SYNPR: variants seen among roughly 807,000 people sequenced by gnomAD.
The protein encoded by SYNPR is synaptoporin.
SYNPR carries 23 observed loss-of-function variants against 32.9 expected under a neutral mutation model. That is an observed-to-expected ratio of 0.70 (90% confidence interval 0.50 to 0.99). SYNPR has a LOEUF of 0.99. Among genes scored for constraint, SYNPR ranks in the 50% least tolerant of loss-of-function variants. The pLI is 0.00. For missense variants in SYNPR, 318 were observed against 349.3 expected (o/e 0.91, Z 0.71); for synonymous variants, 146 against 135.9 (o/e 1.07, Z -0.52).
At chr3:63,308,486 T>G (rs1249274676) in intron 2 of SYNPR, among the ~76,000 whole-genome samples, 1 of 151,966 alleles carries the variant, frequency 6.6e-6, no homozygotes, top group East Asian at 1.9e-4. Context: ...ATAACATCTT[T>G]TGTAGTGTAT....
At chr3:63,542,179 T>A (rs1702316807) in intron 3 of SYNPR, among the ~76,000 whole-genome samples, 2 of 152,128 alleles carry the variant, frequency 1.3e-5, no homozygotes, top group Admixed American at 6.6e-5. Context: ...TTTATCCCCA[T>A]GTTTTCTTCT....
chr3:63,285,000 C>T (rs910168696), intron 2 of SYNPR, among the ~76,000 whole-genome samples: 3 of 152,206 alleles, frequency 2.0e-5, no homozygotes, highest in Non-Finnish European at 2.9e-5. Flanking sequence ...TGAGCAGCCT[C>T]ACTCCCAACT....
intron 2 of SYNPR, among the ~76,000 whole-genome samples, chr3:63,315,657 C>T (rs1456426024): frequency 6.6e-6 from 1 of 151,870 alleles, no homozygotes; most frequent in African/African-American, 2.4e-5. Context: ...TTAGGGTTTT[C>T]AAGGTAAACA....
chr3:63,432,101 A>G (rs932692162), intron 2 of SYNPR, among the ~76,000 whole-genome samples: 1 of 152,168 alleles, frequency 6.6e-6, no homozygotes, highest in Non-Finnish European at 1.5e-5. Flanking sequence ...CGCACCTCCT[A>G]TAATACCTCT....
At chr3:63,283,447 C>T (rs765097422) in intron 2 of SYNPR, among the ~76,000 whole-genome samples, 2 of 152,098 alleles carry the variant, frequency 1.3e-5, no homozygotes, top group Non-Finnish European at 2.9e-5. Flanking sequence ...ACGGAAAAGT[C>T]GGGACATAGC....
intron 2 of SYNPR, among the ~76,000 whole-genome samples, chr3:63,430,361 T>TACAC (rs3083163): frequency 0.028 from 4,126 of 148,350 alleles, 170 homozygotes; most frequent in African/African-American, 0.088. Context: ...ACACTGAGAA[T>TACAC]ACACACACAC....
Position 63,615,722 on chromosome 3 carries a change from T to A in SYNPR, c.*241T>A. ...TAATTGGAGAGTACCTTGTTATATATACAGATACTTTCATGGTCATTTTGT... is the reference window on the plus strand; with the variant it reads ...TAATTGGAGAGTACCTTGTTATATAAACAGATACTTTCATGGTCATTTTGT... On this transcript the variant is annotated 3_prime_UTR_variant, in exon 6 of 6. Transcript: ENST00000478300. 1 of 431,626 alleles carries A rather than the reference T, an allele frequency of 2.3e-6. No individual in the cohort carries two copies. Among genetic ancestry groups the A allele is most frequent in the Non-Finnish European group, 4.1e-6 (1 of 246,744 alleles). The allele number at this position is 431,626 out of a possible 1,614,324, so 26.7% of individuals were successfully genotyped here. A position where few individuals can be genotyped will look rare whatever the true frequency, so the allele number is the denominator to read the frequency against.
In SYNPR at chr3:63,420,850, T is replaced by G. The variant is rs1016609677; in HGVS notation, c.85-59982T>G. Reference sequence around the variant, plus strand: ...GTGAGAAAAAATACAAATAGAAAAATGGGCAGAAGATACTAAGAAGCAATT... The same window carrying G: ...GTGAGAAAAAATACAAATAGAAAAAGGGGCAGAAGATACTAAGAAGCAATT... On this transcript the variant is annotated intron_variant, in intron 2 of 5. Coordinates refer to ENST00000478300, the MANE Select transcript of SYNPR (RefSeq NM_001130003.2). 4.6e-5 allele frequency among the ~76,000 whole-genome samples: 7 copies of G among 152,174 alleles called. 1 individual carries two copies. Among genetic ancestry groups the G allele is most frequent in the Admixed American group, 6.5e-5 (1 of 15,276 alleles).
intron 3 of SYNPR, among the ~76,000 whole-genome samples, chr3:63,496,287 T>G (rs945077433): frequency 9.9e-5 from 15 of 152,094 alleles, no homozygotes; most frequent in Non-Finnish European, 2.2e-4. Flanking sequence ...GTAAATATTA[T>G]TTTACAAGTC....
chr3:63,244,019 C>T (rs2086267346), intron 1 of SYNPR, among the ~76,000 whole-genome samples: 1 of 152,076 alleles, frequency 6.6e-6, no homozygotes, highest in South Asian at 2.1e-4. Flanking sequence ...AATACAAGGA[C>T]TTGCTTACAA....
chr3:63,297,157 G>A (rs543840567), intron 2 of SYNPR, among the ~76,000 whole-genome samples: 7 of 152,274 alleles, frequency 4.6e-5, no homozygotes, highest in African/African-American at 9.6e-5. Flanking sequence ...GCTATTATGC[G>A]CTAGAAAATG....
At chr3:63,606,123 A>T (rs1271479754) in intron 4 of SYNPR, among the ~76,000 whole-genome samples, 2 of 152,224 alleles carry the variant, frequency 1.3e-5, no homozygotes, top group Non-Finnish European at 2.9e-5. Context: ...TGAGGCCTCA[A>T]GTAGTCTAGC....
intron 1 of SYNPR, among the ~76,000 whole-genome samples, chr3:63,239,420 A>T (rs2086222497): frequency 6.7e-6 from 1 of 148,616 alleles, no homozygotes; most frequent in Non-Finnish European, 1.5e-5. Context: ...CAATCCTACC[A>T]TTGCCCAGTG....
At chr3:63,203,060 A>T in the SYNPR span, among the ~76,000 whole-genome samples, 1 of 60,566 alleles carries the variant, frequency 1.7e-5, no homozygotes. Context: ...ACATATATAT[A>T]TGTATGTGTA....
chr3:63,594,396 G>T (rs183864860), intron 4 of SYNPR, among the ~76,000 whole-genome samples: 1 of 152,124 alleles, frequency 6.6e-6, no homozygotes, highest in African/African-American at 2.4e-5. Context: ...TGAGTAATGC[G>T]TGGAATGTTC....
rs192455459 is a variant in SYNPR at position 63,522,373 on chromosome 3, T to G, written c.210-34170T>G. Among the ~76,000 whole-genome samples the G allele has an allele frequency of 1.6e-3, 243 of 152,346 alleles. 2 individuals are homozygous for G. The highest frequency in any genetic ancestry group is 5.7e-3 in the African/African-American group (235 of 41,580). On this transcript the variant is annotated intron_variant, in intron 3 of 5. Coordinates refer to ENST00000478300, the MANE Select transcript of SYNPR (RefSeq NM_001130003.2). ...TATTACCACTATTATTGCTACTACGTATTCACCATTATTATGTAACTTGAT... is the reference window on the plus strand; with the variant it reads ...TATTACCACTATTATTGCTACTACGGATTCACCATTATTATGTAACTTGAT...
intron 2 of SYNPR, among the ~76,000 whole-genome samples, chr3:63,474,669 T>C (rs1700866484): frequency 6.6e-6 from 1 of 152,052 alleles, no homozygotes; most frequent in Non-Finnish European, 1.5e-5. Flanking sequence ...AAACACAGCT[T>C]TATTCCTGGG....
At chr3:63,614,182 G>T (rs966023776) in intron 5 of SYNPR, among the ~76,000 whole-genome samples, 5 of 152,210 alleles carry the variant, frequency 3.3e-5, no homozygotes, top group African/African-American at 1.2e-4. Flanking sequence ...ACGCTAGGGG[G>T]TGATGACTAA....
intron 2 of SYNPR, chr3:63,452,038 T>C (rs1411302678): frequency 1.4e-6 from 1 of 700,556 alleles, no homozygotes; most frequent in South Asian, 1.5e-5. Context: ...TGATATAATT[T>C]TTTTCTCTTT....
Sources: gnomAD v4.1 joint callset for allele counts (sites outside exome capture counted in the v4.1 genomes callset) on GRCh38, gnomAD v4.1.1 for gene constraint, MANE v1.5 for transcripts, NCBI Gene and HGNC (gene_info 2026-07-23, HGNC 2026-07-21) for gene names.